PSMG4: variants seen among roughly 807,000 people sequenced by gnomAD.
The protein encoded by PSMG4 is proteasome (prosome, macropain) assembly chaperone 4.
In PSMG4, 10 loss-of-function variants were observed where a neutral mutation model predicts 11.0. The observed-to-expected ratio is 0.91, with a 90% CI of 0.56 to 1.54. The LOEUF is 1.54. PSMG4 is among the 40% of genes most tolerant of loss of function. The probability of loss-of-function intolerance (pLI) is 0.00; values close to 1 mark genes in which losing one functional copy is unlikely to be tolerated. For synonymous variants in PSMG4, 95 were observed against 71.3 expected (o/e 1.33, Z -1.68); for missense variants, 198 against 160.9 (o/e 1.23, Z -1.25).
In PSMG4 at chr6:3,259,123, C is replaced by T. The variant is rs747181103; in HGVS notation, c.101C>T (p.Thr34Met). 35 of 1,284,850 alleles carry T rather than the reference C, an allele frequency of 2.7e-5. No individual in the cohort carries two copies. Among genetic ancestry groups the T allele is most frequent in the South Asian group, 1.1e-4 (4 of 37,290 alleles). 79.6% of individuals were successfully genotyped at this position (1,284,850 alleles called of 1,614,324 possible). The change falls in exon 1 of 3, where the codon ACG becomes ATG. Residue 34 changes from threonine to methionine, a missense_variant. Coordinates refer to ENST00000438998, the MANE Select transcript of PSMG4 (RefSeq NM_001128591.2). ...QLVHFHVMRL[T>M]DSLFLWVGAT... ...GTCCACTTCCACGTCATGCGGCTGA[C>T]GGACTCGCTGTTCCTGTGGGTGGGG...
chr6:3,267,373 C>T (rs1686480821), intron 2 of PSMG4: 2 of 391,124 alleles, frequency 5.1e-6, no homozygotes, highest in East Asian at 4.9e-5. Flanking sequence ...GGGGCCTGCC[C>T]TTCAGAACCC....
At chr6:3,255,357 T>C (rs1757725269), upstream of PSMG4, 1 of 1,443,286 alleles carries the variant, frequency 6.9e-7, no homozygotes, top group Non-Finnish European at 9.2e-7. Context: ...AGTTGCTTAA[T>C]TTTTCCTGTG....
At chr6:3,256,362 C>T (rs914780605), upstream of PSMG4, among the ~76,000 whole-genome samples, 1 of 152,196 alleles carries the variant, frequency 6.6e-6, no homozygotes, top group East Asian at 1.9e-4. Context: ...GGCGAGGACT[C>T]CCTTTATTTT....
At chr6:3,264,280 G>T in intron 2 of PSMG4, 1 of 1,551,452 alleles carries the variant, frequency 6.4e-7, no homozygotes, top group East Asian at 2.4e-5. Context: ...TCATGAGGCT[G>T]AATGCTCCAC....
At chr6:3,259,312 C>CGAAGCCCACCCGTGGGATGTCTTAG (rs1479373359) in intron 1 of PSMG4, 116 bp downstream of exon 1, 1 of 965,794 alleles carries the variant, frequency 1.0e-6, no homozygotes, top group African/African-American at 1.7e-5. Flanking sequence ...CCTACTCCCC[C>CGAAGCCCACCCGTGGGATGTCTTAG]GAAGCCCACC....
chr6:3,267,974 C>G lies in PSMG4; in HGVS notation c.*262C>G, dbSNP rs752895620. 8 of 325,750 alleles carry G rather than the reference C, an allele frequency of 2.5e-5. No homozygotes were observed. Among genetic ancestry groups the G allele is most frequent in the Non-Finnish European group, 4.6e-5 (8 of 173,020 alleles). The allele number at this position is 325,750 out of a possible 1,614,324, so 20.2% of individuals were successfully genotyped here. On this transcript the variant is annotated 3_prime_UTR_variant, in exon 3 of 3. Transcript: ENST00000438998. The stretch of plus-strand genomic sequence containing the variant: ...ATGGGATTTTTGTTGGGATTGAAGA[C>G]TGTAATCTAAGAGTTTCAATCAGAC...
intron 1 of PSMG4, among the ~76,000 whole-genome samples, chr6:3,259,753 C>T (rs566180428): frequency 3.0e-4 from 46 of 152,304 alleles, no homozygotes; most frequent in African/African-American, 1.1e-3. Flanking sequence ...GCACTGCCGC[C>T]AGTCAAAGCA....
At chr6:3,256,289 C>A (rs1204324920), upstream of PSMG4, among the ~76,000 whole-genome samples, 1 of 152,210 alleles carries the variant, frequency 6.6e-6, no homozygotes, top group Non-Finnish European at 1.5e-5. Context: ...ATATATATCC[C>A]AGTTATACAT....
intron 1 of PSMG4, among the ~76,000 whole-genome samples, chr6:3,263,290 G>T (rs1236715747): frequency 6.6e-6 from 1 of 152,230 alleles, no homozygotes; most frequent in Non-Finnish European, 1.5e-5. Context: ...GGGGCACGAG[G>T]CACCAGTGCA....
chr6:3,254,437 G>C (rs1020467678), upstream of PSMG4, among the ~76,000 whole-genome samples: 1 of 117,478 alleles, frequency 8.5e-6, no homozygotes, highest in Non-Finnish European at 2.0e-5. Context: ...GCTTTGTGCT[G>C]TAATAGTTTT....
chr6:3,263,796 G>A, intron 2 of PSMG4, 37 bp downstream of exon 2: 1 of 1,540,346 alleles, frequency 6.5e-7, no homozygotes. Context: ...GGCCAGCCAG[G>A]TGGGGCCCAC....
At chr6:3,262,369 A>T (rs1758022247) in intron 1 of PSMG4, among the ~76,000 whole-genome samples, 1 of 152,220 alleles carries the variant, frequency 6.6e-6, no homozygotes, top group African/African-American at 2.4e-5. Context: ...AGAAGGTTTA[A>T]CTGTACATAC....
At chr6:3,261,951 C>A (rs1042970938) in intron 1 of PSMG4, among the ~76,000 whole-genome samples, 2 of 152,218 alleles carry the variant, frequency 1.3e-5, no homozygotes, top group African/African-American at 4.8e-5. Context: ...GAGAATGGCA[C>A]CAGACGGTCT....
chr6:3,266,823 T>G (rs1428073002), intron 2 of PSMG4: 1 of 128,246 alleles, frequency 7.8e-6, no homozygotes, highest in Non-Finnish European at 1.9e-5. Context: ...TGGGGTGGGG[T>G]GGTGCTGAAG....
upstream of PSMG4, among the ~76,000 whole-genome samples, chr6:3,255,568 A>G (rs901202776): frequency 2.6e-5 from 4 of 152,158 alleles, no homozygotes; most frequent in Non-Finnish European, 4.4e-5. Context: ...TTCTGTTTAC[A>G]TGAGATGGTT....
At chr6:3,261,955 A>C (rs902918860) in intron 1 of PSMG4, among the ~76,000 whole-genome samples, 4 of 152,218 alleles carry the variant, frequency 2.6e-5, no homozygotes, top group Non-Finnish European at 5.9e-5. Flanking sequence ...ATGGCACCAG[A>C]CGGTCTGTGA....
chr6:3,254,912 C>T (rs1477580804), upstream of PSMG4: 23 of 904,658 alleles, frequency 2.5e-5, no homozygotes, highest in Admixed American at 5.5e-5. Flanking sequence ...GATCTCTGAG[C>T]TGGTGCTTCA....
At chr6:3,261,911 C>T (rs895446991) in intron 1 of PSMG4, among the ~76,000 whole-genome samples, 34 of 152,236 alleles carry the variant, frequency 2.2e-4, no homozygotes, top group Non-Finnish European at 2.9e-5. Context: ...CTATCTGGTC[C>T]CTCTCAGGAA....
At chr6:3,260,148 A>C (rs1757923727) in intron 1 of PSMG4, among the ~76,000 whole-genome samples, 1 of 151,760 alleles carries the variant, frequency 6.6e-6, no homozygotes, top group African/African-American at 2.4e-5. Context: ...TATTTTGCCC[A>C]GGCTGTTCTT....
Sources: allele counts gnomAD v4.1 joint callset (sites outside exome capture counted in the v4.1 genomes callset), GRCh38; gene constraint gnomAD v4.1.1; transcripts MANE v1.5; gene names NCBI Gene and HGNC (gene_info 2026-07-23, HGNC 2026-07-21).